Variants in CPAMD8 observed in about 807,000 individuals in gnomAD.
CPAMD8 encodes C3 and PZP like alpha-2-macroglobulin domain containing 8.
Under a neutral mutation model 224.7 loss-of-function variants are expected in CPAMD8, and 146 were observed. The ratio of observed to expected loss-of-function variants is 0.65; its 90% confidence interval spans 0.57 to 0.75. CPAMD8 has a LOEUF of 0.75. Among genes scored for constraint, CPAMD8 ranks in the 30% least tolerant of loss-of-function variants. CPAMD8 has a pLI of 0.00. For synonymous variants in CPAMD8, 966 were observed against 1,044.6 expected (o/e 0.92, Z 1.45); for missense variants, 2,301 against 2,537.5 (o/e 0.91, Z 2.00).
At chr19:16,906,885 T>C in intron 30 of CPAMD8, 67 bp downstream of exon 30, 1 of 1,415,996 alleles carries the variant, frequency 7.1e-7, no homozygotes, top group Non-Finnish European at 9.7e-7. Flanking sequence ...TGTTCATGAG[T>C]TGTTTACCAG....
chr19:16,957,607 C>A (rs1045806985), intron 19 of CPAMD8: 1 of 505,656 alleles, frequency 2.0e-6, no homozygotes, highest in Non-Finnish European at 3.6e-6. Flanking sequence ...ATAGAGTAAC[C>A]CCAAGAGGGA....
chr19:17,018,717 T>TACACAC (rs367984655), intron 3 of CPAMD8, among the ~76,000 whole-genome samples: 3,858 of 136,716 alleles, frequency 0.028, 158 homozygotes, highest in African/African-American at 0.088. Flanking sequence ...CTACTAAAAA[T>TACACAC]ACACACACAC....
At chr19:17,013,108 G>A (rs2056706902) in intron 3 of CPAMD8, among the ~76,000 whole-genome samples, 1 of 152,000 alleles carries the variant, frequency 6.6e-6, no homozygotes, top group South Asian at 2.1e-4. Context: ...TTGAACCCAG[G>A]AGGCAGAGGT....
intron 2 of CPAMD8, among the ~76,000 whole-genome samples, chr19:17,021,474 G>A (rs1445151285): frequency 2.0e-5 from 3 of 152,154 alleles, no homozygotes; most frequent in Non-Finnish European, 2.9e-5. Context: ...CATCATTCTC[G>A]GCATGAGGAA....
At chr19:16,971,864 C>T (rs1395438064) in intron 17 of CPAMD8, among the ~76,000 whole-genome samples, 80 of 152,084 alleles carry the variant, frequency 5.3e-4, no homozygotes, top group Middle Eastern at 3.4e-3. Context: ...CTGGCCAACA[C>T]GGTGAAACCC....
intron 34 of CPAMD8, 67 bp from the exon 35 acceptor site, chr19:16,902,930 G>A (rs979787578): frequency 2.1e-6 from 2 of 973,764 alleles, no homozygotes; most frequent in African/African-American, 3.3e-5. Context: ...GGGTAGGGGA[G>A]GAGAAGGGCA....
At chr19:16,987,390 C>T (rs1042948868) in intron 13 of CPAMD8, among the ~76,000 whole-genome samples, 14 of 151,484 alleles carry the variant, frequency 9.2e-5, no homozygotes, top group African/African-American at 3.4e-4. Context: ...CTTCCTCCTC[C>T]TCCTCAGCCT....
chr19:16,987,312 GC>G (rs1446735413), intron 13 of CPAMD8, among the ~76,000 whole-genome samples: 1 of 149,812 alleles, frequency 6.7e-6, no homozygotes, highest in Non-Finnish European at 1.5e-5. Context: ...GGTTTGAACT[GC>G]CCACAACACT....
At chr19:16,914,384 T>C (rs763806264) in intron 29 of CPAMD8, 40 bp downstream of exon 29, 3 of 1,569,618 alleles carry the variant, frequency 1.9e-6, no homozygotes, top group South Asian at 2.2e-5. Flanking sequence ...GCTCCTCCAG[T>C]GCCCAGCCCC....
intron 13 of CPAMD8, 103 bp from the exon 14 acceptor site, chr19:16,980,789 A>T: frequency 1.1e-6 from 1 of 879,882 alleles, no homozygotes; most frequent in Non-Finnish European, 1.7e-6. Flanking sequence ...GGGATGGCTG[A>T]GGGAGCGGAG....
In CPAMD8 at chr19:16,990,781, T is replaced by C. The variant is rs571827671; in HGVS notation, c.1267-1010A>G. Among the ~76,000 whole-genome samples, 15 of 145,044 alleles carry C rather than the reference T, an allele frequency of 1.0e-4. No individual in the cohort carries two copies. In the South Asian group the frequency reaches 3.1e-3, roughly 29 times the overall value. On this transcript the variant is annotated intron_variant, in intron 12 of 41. Transcript: ENST00000443236. Reference sequence around the variant, plus strand: ...GGGAGGCTGAGGCAGGGGAATCACTTGAACCTGGGAGGCAGAGGTTGCAGT... The same window carrying C: ...GGGAGGCTGAGGCAGGGGAATCACTCGAACCTGGGAGGCAGAGGTTGCAGT...
intron 5 of CPAMD8, 132 bp downstream of exon 5, chr19:17,011,332 G>T (rs568780217): frequency 4.8e-6 from 5 of 1,035,238 alleles, no homozygotes; most frequent in Non-Finnish European, 7.2e-6. Flanking sequence ...TTCTCCGGGG[G>T]ACATGAAACA....
At chr19:16,913,330 G>A (rs2052799199) in intron 29 of CPAMD8, among the ~76,000 whole-genome samples, 1 of 152,082 alleles carries the variant, frequency 6.6e-6, no homozygotes, top group Non-Finnish European at 1.5e-5. Context: ...GGACCTTTGA[G>A]AGATAATTAG....
chr19:17,013,950 C>G (rs1003593216), intron 3 of CPAMD8, among the ~76,000 whole-genome samples: 28 of 148,838 alleles, frequency 1.9e-4, no homozygotes, highest in African/African-American at 6.1e-4. Context: ...CTCTCTCCCT[C>G]CCTTCCTTTC....
At chr19:16,971,689 G>A (rs2055068361) in intron 17 of CPAMD8, among the ~76,000 whole-genome samples, 1 of 152,110 alleles carries the variant, frequency 6.6e-6, no homozygotes, top group Non-Finnish European at 1.5e-5. Context: ...ACAGCACTGT[G>A]AATATAATAA....
At chr19:16,972,167 T>A (rs1421073978) in intron 17 of CPAMD8, among the ~76,000 whole-genome samples, 1 of 152,030 alleles carries the variant, frequency 6.6e-6, no homozygotes, top group Non-Finnish European at 1.5e-5. Context: ...TCTCTTTTAT[T>A]AGTATTAGTA....
chr19:16,914,486 C>A lies in CPAMD8; in HGVS notation c.3799G>T (p.Gly1267Cys), dbSNP rs367794774. ...ACGTAGGCTGTCAGCGGGACAGTGCCGTGGATCCCACCCTGCAAGGGGACT... is the reference window on the plus strand; with the variant it reads ...ACGTAGGCTGTCAGCGGGACAGTGCAGTGGATCCCACCCTGCAAGGGGACT... Reference protein sequence around the residue: ...LNKDIQGGIHGTVPLTAYVVV... With the variant: ...LNKDIQGGIHCTVPLTAYVVV... The change falls in exon 29 of 42, where the codon GGC becomes TGC. Residue 1267 changes from glycine (G) to cysteine (C), a missense_variant. Physicochemically the swap from Gly to Cys is radical, Grantham distance 159. Transcript: ENST00000443236. 1.9e-6 allele frequency: 3 copies of A among 1,614,046 alleles called. No homozygotes were observed. In the Admixed American group the frequency reaches 5.0e-5, roughly 27 times the overall value.
intron 18 of CPAMD8, among the ~76,000 whole-genome samples, chr19:16,967,736 T>C (rs1409895446): frequency 1.3e-5 from 2 of 151,216 alleles, no homozygotes; most frequent in African/African-American, 2.4e-5. Context: ...ATGAAACCGG[T>C]AGGCAGAGCT....
At chr19:16,929,324 A>G in intron 23 of CPAMD8, 84 bp from the exon 24 acceptor site, 1 of 1,115,128 alleles carries the variant, frequency 9.0e-7, no homozygotes, top group Non-Finnish European at 1.3e-6. Context: ...GGTGAGCACC[A>G]GGACCACAAG....
Sources: allele counts gnomAD v4.1 joint callset (sites outside exome capture counted in the v4.1 genomes callset), GRCh38; gene constraint gnomAD v4.1.1; transcripts MANE v1.5; gene names NCBI Gene and HGNC (gene_info 2026-07-23, HGNC 2026-07-21).